Variants in CNTN3 observed in about 807,000 individuals in gnomAD.
CNTN3 encodes the protein contactin 3, also known as contactin-3.
In CNTN3, 60 loss-of-function variants were observed where a neutral mutation model predicts 119.1. The observed-to-expected ratio is 0.50, with a 90% CI of 0.41 to 0.62. The LOEUF (loss-of-function observed/expected upper bound fraction) is 0.62, where lower values mean the gene tolerates loss of function less well. Ranked by LOEUF, CNTN3 falls within the 20% of genes least tolerant of loss-of-function variation. The pLI is 0.00. For missense variants in CNTN3, 1,101 were observed against 1,242.4 expected, an observed-to-expected ratio of 0.89 and a Z score of 1.71; for synonymous variants, 450 against 438.7, an observed-to-expected ratio of 1.03 and a Z score of -0.32.
intron 11 of CNTN3, among the ~76,000 whole-genome samples, chr3:74,357,247 GATTTACAT>G (rs1424935197): frequency 4.0e-5 from 6 of 150,704 alleles, no homozygotes; most frequent in African/African-American, 1.2e-4. Flanking sequence ...TCTATTATAC[GATTTACAT>G]AGAAGGCACA....
intron 13 of CNTN3, among the ~76,000 whole-genome samples, chr3:74,331,555 C>T (rs552667105): frequency 1.3e-4 from 20 of 152,274 alleles, no homozygotes; most frequent in Non-Finnish European, 1.8e-4. Flanking sequence ...GACTCACTCA[C>T]CCATGGGCAT....
intron 1 of CNTN3, among the ~76,000 whole-genome samples, chr3:74,599,434 G>C (rs1704871652): frequency 6.6e-6 from 1 of 152,066 alleles, no homozygotes; most frequent in Admixed American, 6.6e-5. Flanking sequence ...CCAGGGACCG[G>C]TTTCATGGAA....
At chr3:74,406,575 C>T (rs1050543078) in intron 5 of CNTN3, among the ~76,000 whole-genome samples, 6 of 151,434 alleles carry the variant, frequency 4.0e-5, no homozygotes, top group African/African-American at 1.5e-4. Flanking sequence ...AGAAAGGCTT[C>T]GGTTCATTCT....
intron 11 of CNTN3, among the ~76,000 whole-genome samples, chr3:74,354,167 A>G (rs1394409905): frequency 6.6e-6 from 1 of 152,102 alleles, no homozygotes; most frequent in African/African-American, 2.4e-5. Flanking sequence ...AAAAAAATTC[A>G]CTCTTTCTTT....
intron 4 of CNTN3, among the ~76,000 whole-genome samples, chr3:74,482,386 T>C (rs1327752645): frequency 6.6e-6 from 1 of 152,022 alleles, no homozygotes; most frequent in Non-Finnish European, 1.5e-5. Context: ...AAGAAGGGAA[T>C]TTAAAATAAT....
At position 74,298,019 on chromosome 3, in the gene CNTN3, A is replaced by G; in HGVS notation, c.2339T>C (p.Val780Ala). Reference sequence around the variant, plus strand: ...TGGTCCTTCACCTTTGTTATTATAAACACCCACTTTAACTTCATATGGTGA... The same window carrying G: ...TGGTCCTTCACCTTTGTTATTATAAGCACCCACTTTAACTTCATATGGTGA... ...PYSPYEVKVGVYNNKGEGPFS... is the reference protein window; with the variant it reads ...PYSPYEVKVGAYNNKGEGPFS... The change falls in exon 18 of 23, where the codon GTT becomes GCT. Residue 780 changes from valine to alanine, a missense_variant. By Grantham distance (64) the Val-to-Ala change is moderately conservative. Coordinates refer to ENST00000263665, the MANE Select transcript of CNTN3 (RefSeq NM_020872.3). The G allele has an allele frequency of 6.2e-7, 1 of 1,614,022 alleles. No individual in the cohort carries two copies. The highest frequency in any genetic ancestry group is 8.5e-7 in the Non-Finnish European group (1 of 1,179,946).
chr3:74,287,246 T>G (rs913078370), intron 19 of CNTN3, among the ~76,000 whole-genome samples: 1 of 152,180 alleles, frequency 6.6e-6, no homozygotes, highest in Admixed American at 6.5e-5. Context: ...TTTATTTGGG[T>G]AAGTAAACAG....
intron 20 of CNTN3, among the ~76,000 whole-genome samples, chr3:74,271,820 A>G (rs1413432158): frequency 1.3e-5 from 2 of 152,222 alleles, no homozygotes; most frequent in South Asian, 2.1e-4. Flanking sequence ...CCCCAATAGT[A>G]AGATACGGTT....
rs548382387 is a variant in CNTN3, at chr3:74,446,744, C to T, written c.359-21804G>A. Among the ~76,000 whole-genome samples the T allele has an allele frequency of 1.8e-3, 253 of 143,476 alleles. 2 individuals are homozygous for T. Among genetic ancestry groups the T allele is most frequent in the African/African-American group, 6.3e-3 (240 of 38,126 alleles). 94.1% of individuals were successfully genotyped at this position (143,476 alleles called of 152,430 possible). Reference sequence around the variant, plus strand: ...GGAAAATTTCAAGTTACATATGTGGCCCCACATTATATTTCTATTGGACAG... The same window carrying T: ...GGAAAATTTCAAGTTACATATGTGGTCCCACATTATATTTCTATTGGACAG... On this transcript the variant is annotated intron_variant, in intron 4 of 22. Transcript: ENST00000263665.
At chr3:74,542,400 TAAG>T (rs977229560) in intron 1 of CNTN3, among the ~76,000 whole-genome samples, 3 of 152,126 alleles carry the variant, frequency 2.0e-5, no homozygotes, top group Non-Finnish European at 4.4e-5. Context: ...TGCATAATTA[TAAG>T]AAGATAAATC....
intron 1 of CNTN3, among the ~76,000 whole-genome samples, chr3:74,532,896 G>A (rs1703713571): frequency 1.3e-5 from 2 of 152,012 alleles, no homozygotes; most frequent in Admixed American, 1.3e-4. Context: ...CTAGAGGGAA[G>A]AGTCTTCTCA....
At chr3:74,517,426 A>C (rs1012870605) in intron 2 of CNTN3, among the ~76,000 whole-genome samples, 11 of 151,948 alleles carry the variant, frequency 7.2e-5, no homozygotes, top group Admixed American at 7.2e-4. Context: ...CCAGGAAAGC[A>C]AACGGTTCAT....
intron 4 of CNTN3, among the ~76,000 whole-genome samples, chr3:74,485,325 CTT>C (rs1433721859): frequency 6.6e-6 from 1 of 151,912 alleles, no homozygotes; most frequent in Non-Finnish European, 1.5e-5. Flanking sequence ...CTTTAGTTAA[CTT>C]AAGGGTAACT....
chr3:74,588,607 T>A (rs1158840142), intron 1 of CNTN3, among the ~76,000 whole-genome samples: 1 of 152,030 alleles, frequency 6.6e-6, no homozygotes, highest in African/African-American at 2.4e-5. Flanking sequence ...AAAAACTACT[T>A]TAACGTTCCT....
chr3:74,326,498 G>C (rs1315136605), intron 13 of CNTN3, among the ~76,000 whole-genome samples: 2 of 152,046 alleles, frequency 1.3e-5, no homozygotes, highest in Admixed American at 1.3e-4. Context: ...CTAGCTATTT[G>C]AAAACATACA....
chr3:74,503,157 GA>G (rs905335287), intron 2 of CNTN3, among the ~76,000 whole-genome samples: 3 of 152,152 alleles, frequency 2.0e-5, no homozygotes, highest in African/African-American at 4.8e-5. Flanking sequence ...GTTTCTTGGT[GA>G]AAGACCTGAT....
chr3:74,284,153 T>G (rs919882793), intron 20 of CNTN3, among the ~76,000 whole-genome samples: 1 of 152,116 alleles, frequency 6.6e-6, no homozygotes, highest in Non-Finnish European at 1.5e-5. Flanking sequence ...AAGTTAACCA[T>G]AAAAAATGCT....
rs114807149 is a variant in CNTN3, at chr3:74,428,221, A to G, written c.359-3281T>C. Among the ~76,000 whole-genome samples the G allele has an allele frequency of 7.1e-3, 1,078 of 152,232 alleles. 13 individuals are homozygous for G. Among genetic ancestry groups the G allele is most frequent in the African/African-American group, 0.024 (997 of 41,540 alleles). ...ACTGTTACGGGTTTATGTATTTACT[A>G]TGCTATAATTTTATTGTTATTTTAG... is the stretch of plus-strand genomic sequence containing the variant. On this transcript the variant is annotated intron_variant, in intron 4 of 22. Coordinates refer to ENST00000263665, the MANE Select transcript of CNTN3 (RefSeq NM_020872.3).
At position 74,264,465 on chromosome 3, in the gene CNTN3, T is replaced by C; in HGVS notation, c.3023A>G (p.Asn1008Ser). The change falls in exon 23 of 23, where the codon AAT (asparagine) becomes AGT (serine). Residue 1008 changes from asparagine (N) to serine (S), a missense_variant. Asn to Ser is a conservative substitution (Grantham distance 46, BLOSUM62 1). Coordinates refer to ENST00000263665, the MANE Select transcript of CNTN3 (RefSeq NM_020872.3). ...CATATAACTTGACATAGGGTGGACA[T>C]TCGAGATGGCTGAAGTGGATCCTCT... is the stretch of plus-strand genomic sequence containing the variant. ...DARGSTSAIS[N>S]VHPMSSYMPI... The C allele has an allele frequency of 6.2e-7, 1 of 1,612,430 alleles. No homozygotes were observed. The highest frequency in any genetic ancestry group is 1.1e-5 in the South Asian group (1 of 90,984).
Sources: allele counts gnomAD v4.1 joint callset (sites outside exome capture counted in the v4.1 genomes callset), GRCh38; gene constraint gnomAD v4.1.1; transcripts MANE v1.5; gene names NCBI Gene and HGNC (gene_info 2026-07-23, HGNC 2026-07-21).